Variants in PAG1 observed in about 807,000 individuals in gnomAD.
The protein encoded by PAG1 is phosphoprotein associated with glycosphingolipid-enriched microdomains 1.
Under a neutral mutation model 31.7 loss-of-function variants are expected in PAG1, and 23 were observed. The ratio of observed to expected loss-of-function variants is 0.73; its 90% CI spans 0.52 to 1.03. PAG1 has a LOEUF of 1.03. PAG1 is among the 50% of genes least tolerant of loss of function. The pLI, the probability that PAG1 is intolerant of heterozygous loss-of-function variation, is 0.00. For synonymous variants in PAG1, 214 were observed against 210.3 expected (o/e 1.02, Z -0.15); for missense variants, 473 against 540.7 (o/e 0.87, Z 1.24).
intron 3 of PAG1, among the ~76,000 whole-genome samples, chr8:81,013,423 T>C (rs1031651668): frequency 1.3e-5 from 2 of 152,116 alleles, no homozygotes; most frequent in East Asian, 3.9e-4. Context: ...TGCGCAAGGC[T>C]ATACTCTCCA....
At chr8:80,979,802 T>A (rs892599014) in intron 8 of PAG1, among the ~76,000 whole-genome samples, 2 of 151,474 alleles carry the variant, frequency 1.3e-5, no homozygotes, top group African/African-American at 4.9e-5. Flanking sequence ...ATATGAAATA[T>A]GTATATATAC....
chr8:81,012,674 AAAAT>A (rs1808004724), intron 3 of PAG1, among the ~76,000 whole-genome samples: 3 of 152,222 alleles, frequency 2.0e-5, no homozygotes, highest in South Asian at 2.1e-4. Flanking sequence ...AGCTGTAACT[AAAAT>A]AAAGAAATAA....
At position 80,973,889 on chromosome 8, in the gene PAG1, TG is replaced by T. The variant is rs1382462451; in HGVS notation, c.*2654del. On this transcript the variant is annotated 3_prime_UTR_variant, in exon 9 of 9. Coordinates refer to ENST00000220597, the MANE Select transcript of PAG1 (RefSeq NM_018440.4). ...TGAGCCATCTTTCTAAGGTTCACTC[TG>T]CTTCTCTCCCCCAGCCCTCATGGCC... 6.6e-6 allele frequency: 1 copy of T among 152,234 alleles called. No homozygotes were observed. The highest frequency in any genetic ancestry group is 6.5e-5 in the Admixed American group (1 of 15,276). The allele number at this position is 152,234 out of a possible 1,614,324, so 9.4% of individuals were successfully genotyped here.
chr8:81,044,610 G>A (rs569071319), intron 2 of PAG1, among the ~76,000 whole-genome samples: 1 of 152,302 alleles, frequency 6.6e-6, no homozygotes, highest in South Asian at 2.1e-4. Flanking sequence ...CAATTTGCTT[G>A]CTTTGTTACA....
chr8:80,985,023 G>A lies in PAG1; in HGVS notation c.629C>T (p.Ser210Leu), dbSNP rs144226093. The change falls in exon 7 of 9, where the codon TCG becomes TTG. Residue 210 changes from serine to leucine, a missense_variant. Coordinates refer to ENST00000220597, the MANE Select transcript of PAG1 (RefSeq NM_018440.4). ...AGTCTGGGGCCCTGGGAGCTCTTTC[G>A]AGGCAGAAGTAGATTTTGCCTTGCC... ...HSGKAKSTSA[S>L]KELPGPQTEG... is the part of the protein sequence containing the mutation. 7.4e-6 allele frequency: 12 copies of A among 1,613,954 alleles called. No homozygotes were observed. Among genetic ancestry groups the A allele is most frequent in the African/African-American group, 6.7e-5 (5 of 74,878 alleles).
chr8:81,081,729 T>C (rs73694075), intron 1 of PAG1, among the ~76,000 whole-genome samples: 1 of 151,238 alleles, frequency 6.6e-6, no homozygotes, highest in Non-Finnish European at 1.5e-5. Flanking sequence ...TCTCTGGAGA[T>C]GCACACTAGC....
chr8:81,073,734 T>C lies in PAG1; in HGVS notation c.-233-3564A>G, dbSNP rs183332499. Among the ~76,000 whole-genome samples the C allele has an allele frequency of 3.5e-4, 53 of 152,372 alleles. 1 individual carries two copies. Among genetic ancestry groups the C allele is most frequent in the African/African-American group, 1.3e-3 (53 of 41,582 alleles). ...AAATTCCCTGTCCTATGTATCTTTC[T>C]AGTGGAGGTGGGGAACAAACCCACC... is the stretch of plus-strand genomic sequence containing the variant. On this transcript the variant is annotated intron_variant, in intron 1 of 8. Transcript: ENST00000220597.
intron 2 of PAG1, among the ~76,000 whole-genome samples, chr8:81,032,874 T>G (rs1224599134): frequency 3.3e-5 from 5 of 152,188 alleles, no homozygotes; most frequent in Admixed American, 3.3e-4. Flanking sequence ...TACAGAAGAA[T>G]AGTATTCAGC....
intron 2 of PAG1, among the ~76,000 whole-genome samples, chr8:81,053,535 G>A (rs1178806157): frequency 1.3e-5 from 2 of 152,158 alleles, no homozygotes; most frequent in African/African-American, 4.8e-5. Context: ...ATCGCACATG[G>A]GGACTGAGAA....
In PAG1 at chr8:80,987,682, CTA is replaced by C. The variant is rs1203454834; in HGVS notation, c.178-218_178-217del. ...TGAGTAGTACTGAACCCTATATAGA[CTA>C]TGTCTTTTCCTATCCATATATGTTA... On this transcript the variant is annotated intron_variant, in intron 5 of 8. Coordinates refer to ENST00000220597, the MANE Select transcript of PAG1 (RefSeq NM_018440.4). 47 of 478,878 alleles carry C rather than the reference CTA, an allele frequency of 9.8e-5. 1 individual carries two copies. The highest frequency in any genetic ancestry group is 9.2e-4 in the South Asian group (39 of 42,228). The allele number at this position is 478,878 out of a possible 1,614,324, so 29.7% of individuals were successfully genotyped here. A position where few individuals can be genotyped will look rare whatever the true frequency, so the allele number is the denominator to read the frequency against.
intron 3 of PAG1, among the ~76,000 whole-genome samples, chr8:81,008,704 C>T (rs902262835): frequency 2.6e-5 from 4 of 152,004 alleles, no homozygotes; most frequent in Admixed American, 2.0e-4. Context: ...TCTGTGACTT[C>T]GTATGGCTTT....
At position 80,970,129 on chromosome 8, in the gene PAG1, G is replaced by A. The variant is rs2130259912; in HGVS notation, c.*6415C>T. The A allele has an allele frequency of 6.6e-6, 1 of 152,130 alleles. No individual in the cohort carries two copies. Among genetic ancestry groups the A allele is most frequent in the South Asian group, 2.1e-4 (1 of 4,816 alleles). The allele number at this position is 152,130 out of a possible 1,614,324, so 9.4% of individuals were successfully genotyped here. On this transcript the variant is annotated 3_prime_UTR_variant, in exon 9 of 9. Transcript: ENST00000220597. ...GTTTTTTTTTTGTTTTTGTTTTTGAGATGGAGTCTTGCTCTGTCGCCCAGG... is the reference window on the plus strand; with the variant it reads ...GTTTTTTTTTTGTTTTTGTTTTTGAAATGGAGTCTTGCTCTGTCGCCCAGG...
chr8:81,003,294 T>A (rs987348415), intron 3 of PAG1, among the ~76,000 whole-genome samples: 2 of 152,174 alleles, frequency 1.3e-5, no homozygotes, highest in Admixed American at 1.3e-4. Flanking sequence ...CTCAAGAGTC[T>A]GCATTTCTAA....
chr8:81,056,894 CA>C (rs528632325), intron 2 of PAG1, among the ~76,000 whole-genome samples: 2 of 152,218 alleles, frequency 1.3e-5, no homozygotes, highest in South Asian at 4.1e-4. Context: ...ACAACCCCAT[CA>C]AAAAGTGGGC....
chr8:81,024,547 G>T (rs185378540), intron 3 of PAG1, among the ~76,000 whole-genome samples: 58 of 152,316 alleles, frequency 3.8e-4, no homozygotes, highest in African/African-American at 1.3e-3. Context: ...CAAGACCTAT[G>T]AAGTGTATCT....
intron 1 of PAG1, among the ~76,000 whole-genome samples, chr8:81,092,889 C>T (rs562344062): frequency 6.6e-5 from 10 of 152,264 alleles, no homozygotes; most frequent in East Asian, 5.8e-4. Flanking sequence ...GCACAAAACA[C>T]GCCTTGTATC....
intron 1 of PAG1, among the ~76,000 whole-genome samples, chr8:81,078,461 G>A (rs16908526): frequency 0.088 from 13,255 of 151,326 alleles, 1,552 homozygotes; most frequent in African/African-American, 0.27. Flanking sequence ...GACTGAATCT[G>A]AAAAATCATC....
rs146996305 is a variant in PAG1 at position 81,012,512 on chromosome 8, A to G, written c.-81+17484T>C. Among the ~76,000 whole-genome samples, 4 of 152,364 alleles carry G rather than the reference A, an allele frequency of 2.6e-5. No homozygotes were observed. In the East Asian group the frequency reaches 7.7e-4, roughly 29 times the overall value. On this transcript the variant is annotated intron_variant, in intron 3 of 8. Coordinates refer to ENST00000220597, the MANE Select transcript of PAG1 (RefSeq NM_018440.4). The stretch of plus-strand genomic sequence containing the variant: ...GTGCCCTTGCCCAGAGTAGGCACCC[A>G]GTAAATATTAACTCCTTTTGCTGCT...
At chr8:81,053,405 A>G (rs1436939673) in intron 2 of PAG1, among the ~76,000 whole-genome samples, 2 of 152,226 alleles carry the variant, frequency 1.3e-5, no homozygotes, top group African/African-American at 4.8e-5. Context: ...AACAGTATCT[A>G]AAGTCGAGAA....
Sources: allele counts gnomAD v4.1 joint callset (sites outside exome capture counted in the v4.1 genomes callset), GRCh38; gene constraint gnomAD v4.1.1; transcripts MANE v1.5; gene names NCBI Gene and HGNC (gene_info 2026-07-23, HGNC 2026-07-21).